Variants in SPINK5 observed in about 807,000 individuals in gnomAD.
The protein encoded by SPINK5 is serine peptidase inhibitor Kazal type 5, also known as serine protease inhibitor Kazal-type 5.
In SPINK5, 125 loss-of-function variants were observed where a neutral mutation model predicts 151.8. The ratio of observed to expected loss-of-function variants is 0.82; its 90% confidence interval spans 0.71 to 0.96. The LOEUF is 0.96. Among genes scored for constraint, SPINK5 ranks in the 40% least tolerant of loss-of-function variants. SPINK5 has a pLI of 0.00. For missense variants in SPINK5, 1,194 were observed against 1,291.9 expected, an observed-to-expected ratio of 0.92 and a Z score of 1.16; for synonymous variants, 374 against 395.3, an observed-to-expected ratio of 0.95 and a Z score of 0.64.
rs1581092879 is a variant in SPINK5 at position 148,111,819 on chromosome 5, A to G, written c.1744A>G (p.Thr582Ala). 2 of 1,614,074 alleles carry G rather than the reference A, an allele frequency of 1.2e-6. No homozygotes were observed. Among genetic ancestry groups the G allele is most frequent in the Non-Finnish European group, 1.7e-6 (2 of 1,179,952 alleles). The change falls in exon 19 of 33, where the codon ACC becomes GCC. Residue 582 changes from threonine (T) to alanine (A), a missense_variant. Thr to Ala is a moderately conservative substitution (Grantham distance 58). Coordinates refer to ENST00000256084, the MANE Select transcript of SPINK5 (RefSeq NM_006846.4). ...TGTGAGGAATGGACGACTCCCCTGT[A>G]CCAGAGAGAATGATCCTATTGAGGG... The part of the protein sequence containing the change: ...HYVRNGRLPC[T>A]RENDPIEGLD...
intron 21 of SPINK5, among the ~76,000 whole-genome samples, chr5:148,115,510 A>T (rs1475333432): frequency 6.6e-6 from 1 of 152,172 alleles, no homozygotes; most frequent in Non-Finnish European, 1.5e-5. Context: ...GCAATAAATA[A>T]CCCAGGAAGA....
At chr5:148,112,057 A>C (rs1013078868) in intron 19 of SPINK5, among the ~76,000 whole-genome samples, 162 bp downstream of exon 19, 1 of 152,132 alleles carries the variant, frequency 6.6e-6, no homozygotes, top group East Asian at 1.9e-4. Context: ...TATTCAGCCC[A>C]TTTATTTCTG....
chr5:148,133,559 A>AT (rs1451131271), intron 31 of SPINK5, among the ~76,000 whole-genome samples: 1 of 152,172 alleles, frequency 6.6e-6, no homozygotes, highest in African/African-American at 2.4e-5. Context: ...CTCTATGAAT[A>AT]TATCAGTGAA....
chr5:148,074,609 T>C (rs1314340279), intron 4 of SPINK5, among the ~76,000 whole-genome samples: 1 of 151,826 alleles, frequency 6.6e-6, no homozygotes, highest in Non-Finnish European at 1.5e-5. Context: ...ATGGGACCTA[T>C]GCATAGATAT....
chr5:148,112,799 A>T, intron 19 of SPINK5, 69 bp from the exon 20 acceptor site: 1 of 1,602,520 alleles, frequency 6.2e-7, no homozygotes, highest in Admixed American at 1.7e-5. Context: ...TTATGTAGAG[A>T]CATTTCTCCT....
intron 10 of SPINK5, among the ~76,000 whole-genome samples, chr5:148,097,479 C>T (rs1753499674): frequency 6.6e-6 from 1 of 151,870 alleles, no homozygotes; most frequent in Non-Finnish European, 1.5e-5. Context: ...ACATTATGTT[C>T]CTGAATATAT....
intron 4 of SPINK5, among the ~76,000 whole-genome samples, chr5:148,082,607 T>A (rs1310857352): frequency 1.2e-3 from 14 of 11,794 alleles, no homozygotes; most frequent in African/African-American, 1.6e-3. Context: ...TATTCTTTTT[T>A]TTTTTTTTTT....
At chr5:148,136,597 C>T (rs1035098981) in intron 32 of SPINK5, among the ~76,000 whole-genome samples, 6 of 152,186 alleles carry the variant, frequency 3.9e-5, no homozygotes, top group Admixed American at 6.6e-5. Flanking sequence ...AGTAGAAAAA[C>T]ATTCGTATTA....
At chr5:148,075,930 C>T (rs1054517913) in intron 4 of SPINK5, among the ~76,000 whole-genome samples, 9 of 151,710 alleles carry the variant, frequency 5.9e-5, no homozygotes. Context: ...TGATAATCTT[C>T]ACCAAGGGTA....
intron 5 of SPINK5, 128 bp downstream of exon 5, chr5:148,086,660 G>C (rs1046124269): frequency 2.5e-6 from 3 of 1,185,386 alleles, no homozygotes; most frequent in Non-Finnish European, 3.6e-6. Context: ...TAAATTATTA[G>C]TACCACTTCT....
Position 148,118,989 on chromosome 5 carries a change from A to T in SPINK5, c.2244A>T (p.Glu748Asp). Residue 748 changes from glutamate to aspartate, a missense_variant, in exon 24 of 33, where the codon GAA becomes GAT. Physicochemically the swap from Glu to Asp is conservative, Grantham distance 45. Transcript: ENST00000256084. ...TATTCACTTTTTTCTCCTCCAGGGA[A>T]AGAGAAGCAGAGAGAAAAAATGAGT... ...NQCTMCKAKLEREAERKNEYS... is the reference protein window; with the variant it reads ...NQCTMCKAKLDREAERKNEYS... 6.2e-7 allele frequency: 1 copy of T among 1,613,948 alleles called. No homozygotes were observed. Among genetic ancestry groups the T allele is most frequent in the Non-Finnish European group, 8.5e-7 (1 of 1,179,884 alleles).
intron 2 of SPINK5, among the ~76,000 whole-genome samples, chr5:148,067,652 CT>C (rs1211798624): frequency 3.9e-5 from 6 of 152,236 alleles, no homozygotes; most frequent in African/African-American, 1.4e-4. Context: ...GAACAAATTT[CT>C]TAACCTATTA....
intron 10 of SPINK5, among the ~76,000 whole-genome samples, chr5:148,096,699 A>G (rs544344315): frequency 2.0e-5 from 3 of 151,014 alleles, no homozygotes; most frequent in Middle Eastern, 3.4e-3. Flanking sequence ...CTGCCAGTAT[A>G]ACTCCATTTT....
chr5:148,098,026 G>T, intron 11 of SPINK5, 32 bp downstream of exon 11: 5 of 1,600,630 alleles, frequency 3.1e-6, no homozygotes, highest in Non-Finnish European at 3.4e-6. Context: ...GTCAAAGAAA[G>T]AAGGGATCTT....
intron 16 of SPINK5, 73 bp downstream of exon 16, chr5:148,105,073 T>C: frequency 1.3e-6 from 2 of 1,481,956 alleles, no homozygotes; most frequent in South Asian, 1.2e-5. Flanking sequence ...CTTATCCTAT[T>C]AGAATAAATG....
At chr5:148,072,265 T>C in intron 4 of SPINK5, 45 bp downstream of exon 4, 2 of 1,580,958 alleles carry the variant, frequency 1.3e-6, no homozygotes, top group Non-Finnish European at 1.7e-6. Flanking sequence ...AGAGGATGTT[T>C]GACTCTATTT....
intron 30 of SPINK5, among the ~76,000 whole-genome samples, chr5:148,129,141 G>C (rs73271171): frequency 0.014 from 2,200 of 152,198 alleles, 61 homozygotes; most frequent in African/African-American, 0.05. Flanking sequence ...ATAGCAAAGC[G>C]TTTAGTGTTG....
At chr5:148,124,956 T>C in intron 28 of SPINK5, 119 bp downstream of exon 28, 2 of 1,280,232 alleles carry the variant, frequency 1.6e-6, no homozygotes, top group South Asian at 4.9e-5. Context: ...GAAAATTGAT[T>C]TTTCTTGTCT....
At chr5:148,133,601 G>T (rs1002263171) in intron 31 of SPINK5, among the ~76,000 whole-genome samples, 196 bp from the exon 32 acceptor site, 20 of 152,112 alleles carry the variant, frequency 1.3e-4, no homozygotes, top group African/African-American at 4.6e-4. Context: ...CAGGGCTAGG[G>T]GATGAATCTG....
Sources: gnomAD v4.1 joint callset for allele counts (sites outside exome capture counted in the v4.1 genomes callset) on GRCh38, gnomAD v4.1.1 for gene constraint, MANE v1.5 for transcripts, NCBI Gene and HGNC (gene_info 2026-07-23, HGNC 2026-07-21) for gene names.